Variants in KALRN observed in about 807,000 individuals in gnomAD.
KALRN encodes the protein kalirin RhoGEF kinase, also known as kalirin.
In KALRN, 70 loss-of-function variants were observed where a neutral mutation model predicts 353.7. The observed-to-expected ratio is 0.20, with a 90% CI of 0.16 to 0.24. KALRN has a LOEUF of 0.24. Among genes scored for constraint, KALRN ranks in the 10% least tolerant of loss-of-function variants. The pLI is 1.00. For synonymous variants in KALRN, 1,391 were observed against 1,434.8 expected (o/e 0.97, Z 0.69); for missense variants, 2,791 against 3,756.7 (o/e 0.74, Z 6.72).
intron 34 of KALRN, among the ~76,000 whole-genome samples, chr3:124,611,325 A>G (rs937183181): frequency 6.6e-6 from 1 of 152,198 alleles, no homozygotes. Context: ...ACCATAGCAG[A>G]AAGAATTAAG....
chr3:124,224,075 G>A (rs1306228078), intron 1 of KALRN, among the ~76,000 whole-genome samples: 1 of 152,004 alleles, frequency 6.6e-6, no homozygotes, highest in Non-Finnish European at 1.5e-5. Context: ...TGCCAGTGAA[G>A]CATGCCTTTG....
chr3:124,566,636 G>A (rs1051049638), intron 34 of KALRN, among the ~76,000 whole-genome samples: 10 of 152,258 alleles, frequency 6.6e-5, no homozygotes, highest in Non-Finnish European at 1.2e-4. Flanking sequence ...TGTCTCTCTG[G>A]GGTCTGCCCA....
chr3:124,129,932 G>A (rs1020355028), intron 1 of KALRN, among the ~76,000 whole-genome samples: 3 of 152,196 alleles, frequency 2.0e-5, no homozygotes, highest in Non-Finnish European at 4.4e-5. Flanking sequence ...CCCCTTCAAG[G>A]AACTTCCAGA....
intron 1 of KALRN, among the ~76,000 whole-genome samples, chr3:124,053,110 C>A (rs1185244869): frequency 6.6e-6 from 1 of 152,118 alleles, no homozygotes. Flanking sequence ...AATAGTTGCT[C>A]ACTATAGCCT....
At chr3:124,067,408 G>C (rs1189652800) in intron 1 of KALRN, among the ~76,000 whole-genome samples, 1 of 151,706 alleles carries the variant, frequency 6.6e-6, no homozygotes, top group African/African-American at 2.4e-5. Flanking sequence ...CAAACCAGAG[G>C]TCATGGAACT....
At chr3:124,180,209 A>G (rs2073383714) in intron 1 of KALRN, among the ~76,000 whole-genome samples, 1 of 152,160 alleles carries the variant, frequency 6.6e-6, no homozygotes, top group Admixed American at 6.5e-5. Context: ...TCACCTGCCA[A>G]AGGAGGCTGT....
intron 33 of KALRN, among the ~76,000 whole-genome samples, chr3:124,507,143 G>T (rs2065321245): frequency 6.6e-6 from 1 of 152,118 alleles, no homozygotes; most frequent in African/African-American, 2.4e-5. Flanking sequence ...GGTGTAGTTT[G>T]TTAAAGAGAG....
intron 10 of KALRN, among the ~76,000 whole-genome samples, chr3:124,369,207 A>T (rs1367223171): frequency 6.6e-6 from 1 of 152,228 alleles, no homozygotes; most frequent in East Asian, 1.9e-4. Flanking sequence ...TTTGTAATGA[A>T]ATTTATTTGT....
intron 34 of KALRN, among the ~76,000 whole-genome samples, chr3:124,598,898 A>G (rs2076525233): frequency 1.3e-5 from 2 of 152,202 alleles, no homozygotes; most frequent in Non-Finnish European, 2.9e-5. Context: ...CTGGTCTGGA[A>G]CAGCTGGGCT....
intron 1 of KALRN, among the ~76,000 whole-genome samples, chr3:124,044,064 G>A (rs1485811689): frequency 6.6e-6 from 1 of 152,086 alleles, no homozygotes; most frequent in Non-Finnish European, 1.5e-5. Flanking sequence ...GCAGGCTAGG[G>A]CTCATGAATG....
intron 34 of KALRN, among the ~76,000 whole-genome samples, chr3:124,632,039 G>A (rs149814722): frequency 1.2e-3 from 177 of 152,276 alleles, no homozygotes; most frequent in African/African-American, 4.1e-3. Context: ...TCCAACCCCA[G>A]CACTCCCTAA....
intron 33 of KALRN, among the ~76,000 whole-genome samples, chr3:124,543,225 C>T (rs2069234064): frequency 6.6e-6 from 1 of 152,106 alleles, no homozygotes. Flanking sequence ...TCACTAAACC[C>T]AGCCCACACT....
At chr3:124,508,805 C>G (rs1296030421) in intron 33 of KALRN, among the ~76,000 whole-genome samples, 1 of 152,170 alleles carries the variant, frequency 6.6e-6, no homozygotes, top group Non-Finnish European at 1.5e-5. Context: ...GCTCTATATC[C>G]TCACCACTAC....
At chr3:124,698,759 T>C (rs540951500) in intron 55 of KALRN, among the ~76,000 whole-genome samples, 1 of 152,318 alleles carries the variant, frequency 6.6e-6, no homozygotes, top group South Asian at 2.1e-4. Flanking sequence ...TAAGAGAATA[T>C]ATATTTTTTA....
intron 3 of KALRN, among the ~76,000 whole-genome samples, chr3:124,251,097 T>C (rs2071084729): frequency 1.3e-5 from 2 of 152,200 alleles, no homozygotes; most frequent in Non-Finnish European, 2.9e-5. Context: ...ATTCAGAAAG[T>C]GGGTCTCTTC....
chr3:124,563,964 C>G (rs1234077670), intron 34 of KALRN, among the ~76,000 whole-genome samples: 1 of 149,528 alleles, frequency 6.7e-6, no homozygotes, highest in Non-Finnish European at 1.5e-5. Flanking sequence ...CAAGATTGTG[C>G]CACTGCACTC....
intron 33 of KALRN, among the ~76,000 whole-genome samples, chr3:124,553,589 T>C (rs544293870): frequency 6.6e-5 from 10 of 152,344 alleles, no homozygotes; most frequent in African/African-American, 2.4e-4. Flanking sequence ...ATTGCTCTTT[T>C]TGATCAGGTT....
intron 21 of KALRN, 115 bp from the exon 22 acceptor site, chr3:124,455,062 C>G (rs1359312977): frequency 1.0e-5 from 11 of 1,084,570 alleles, no homozygotes; most frequent in Non-Finnish European, 1.5e-5. Flanking sequence ...GGATACATAC[C>G]CAGGTAGTCA....
chr3:124,633,583 C>A (rs968401752), intron 35 of KALRN, among the ~76,000 whole-genome samples: 1 of 152,142 alleles, frequency 6.6e-6, no homozygotes, highest in South Asian at 2.1e-4. Flanking sequence ...CCAGCTTTTT[C>A]TTTTCTTGCT....
Sources: gnomAD v4.1 joint callset for allele counts (sites outside exome capture counted in the v4.1 genomes callset) on GRCh38, gnomAD v4.1.1 for gene constraint, MANE v1.5 for transcripts, NCBI Gene and HGNC (gene_info 2026-07-23, HGNC 2026-07-21) for gene names.